The following FHIT variants were observed in gnomAD, a reference collection of about 807,000 sequenced individuals.
The protein encoded by FHIT is fragile histidine triad diadenosine triphosphatase.
Under a neutral mutation model 17.9 loss-of-function variants are expected in FHIT, and 19 were observed. The observed-to-expected ratio is 1.06, with a 90% confidence interval of 0.74 to 1.56. The LOEUF (loss-of-function observed/expected upper bound fraction) is 1.56, where lower values mean the gene tolerates loss of function less well. Among genes scored for constraint, FHIT ranks in the 40% most tolerant of loss-of-function variants. The pLI, the probability that FHIT is intolerant of heterozygous loss-of-function variation, is 0.00. For synonymous variants in FHIT, 81 were observed against 69.7 expected (o/e 1.16, Z -0.81); for missense variants, 248 against 189.2 (o/e 1.31, Z -1.82).
intron 4 of FHIT, among the ~76,000 whole-genome samples, chr3:60,754,695 A>G (rs2042538771): frequency 6.6e-6 from 1 of 152,096 alleles, no homozygotes; most frequent in South Asian, 2.1e-4. Flanking sequence ...CTCAGTGGTA[A>G]TGTCAGCCTT....
At chr3:60,525,044 T>C (rs1013547159) in intron 5 of FHIT, among the ~76,000 whole-genome samples, 7 of 152,150 alleles carry the variant, frequency 4.6e-5, no homozygotes, top group Non-Finnish European at 1.5e-5. Flanking sequence ...GTAGGAACCT[T>C]GTCAATCACT....
At chr3:60,300,174 C>T (rs1483967317) in intron 5 of FHIT, among the ~76,000 whole-genome samples, 1 of 152,202 alleles carries the variant, frequency 6.6e-6, no homozygotes, top group Admixed American at 6.5e-5. Flanking sequence ...ATACAATATT[C>T]AGGATTTTTT....
chr3:59,759,944 C>T (rs935082017), intron 8 of FHIT, among the ~76,000 whole-genome samples: 1 of 150,856 alleles, frequency 6.6e-6, no homozygotes, highest in Non-Finnish European at 1.5e-5. Flanking sequence ...CATTGCTTCC[C>T]TTCTCTATCC....
intron 2 of FHIT, among the ~76,000 whole-genome samples, chr3:61,050,426 A>G (rs960959280): frequency 6.6e-6 from 1 of 152,200 alleles, no homozygotes; most frequent in African/African-American, 2.4e-5. Flanking sequence ...TGACTTGAAC[A>G]AAACCATCAA....
At chr3:60,088,484 G>A (rs764779830) in intron 5 of FHIT, among the ~76,000 whole-genome samples, 1 of 152,134 alleles carries the variant, frequency 6.6e-6, no homozygotes, top group African/African-American at 2.4e-5. Flanking sequence ...TATTCCCTAT[G>A]CCCGAGTATC....
chr3:60,222,540 C>T (rs1704009926), intron 5 of FHIT, among the ~76,000 whole-genome samples: 1 of 152,196 alleles, frequency 6.6e-6, no homozygotes, highest in African/African-American at 2.4e-5. Flanking sequence ...CCTGTAATCC[C>T]AGCACTTTCG....
intron 2 of FHIT, among the ~76,000 whole-genome samples, chr3:61,061,218 TC>T (rs368506917): frequency 0.011 from 1,627 of 152,040 alleles, 33 homozygotes; most frequent in African/African-American, 0.037. Flanking sequence ...TGAAACATTT[TC>T]CCCCCTCCTT....
intron 5 of FHIT, among the ~76,000 whole-genome samples, chr3:60,078,856 G>T (rs1703149713): frequency 6.6e-6 from 1 of 151,510 alleles, no homozygotes; most frequent in African/African-American, 2.4e-5. Context: ...AATATCTGGG[G>T]ATCTGAGGGA....
At chr3:59,805,527 A>G (rs1700162848) in intron 8 of FHIT, among the ~76,000 whole-genome samples, 1 of 152,208 alleles carries the variant, frequency 6.6e-6, no homozygotes, top group Non-Finnish European at 1.5e-5. Context: ...GTCACAGAGA[A>G]GAATCTGAAC....
intron 5 of FHIT, among the ~76,000 whole-genome samples, chr3:60,071,635 G>C (rs922893292): frequency 6.6e-6 from 1 of 152,164 alleles, no homozygotes; most frequent in African/African-American, 2.4e-5. Context: ...CTGCAGCAAA[G>C]TTAGCCAAAA....
intron 2 of FHIT, among the ~76,000 whole-genome samples, chr3:61,071,185 C>T (rs1010371223): frequency 2.6e-5 from 4 of 152,060 alleles, no homozygotes; most frequent in Non-Finnish European, 5.9e-5. Context: ...CTGTGGAATG[C>T]AGGGCCTTGA....
chr3:60,773,773 T>C (rs949811227), intron 4 of FHIT, among the ~76,000 whole-genome samples: 1 of 152,266 alleles, frequency 6.6e-6, no homozygotes, highest in African/African-American at 2.4e-5. Context: ...CCAGACTATA[T>C]AGCTACAGAG....
chr3:60,479,878 T>C (rs1382275394), intron 5 of FHIT, among the ~76,000 whole-genome samples: 2 of 152,182 alleles, frequency 1.3e-5, no homozygotes, highest in African/African-American at 4.8e-5. Flanking sequence ...TGTTGAATAA[T>C]TGTCTTCCAT....
At chr3:60,279,198 G>C (rs1707309537) in intron 5 of FHIT, among the ~76,000 whole-genome samples, 1 of 152,200 alleles carries the variant, frequency 6.6e-6, no homozygotes, top group African/African-American at 2.4e-5. Flanking sequence ...AGAAATGAAA[G>C]AGGGGTCATC....
At chr3:60,116,735 C>T (rs935430912) in intron 5 of FHIT, among the ~76,000 whole-genome samples, 6 of 151,976 alleles carry the variant, frequency 3.9e-5, no homozygotes, top group African/African-American at 1.5e-4. Flanking sequence ...GCAGATTGGC[C>T]AAGAAGGAAG....
intron 5 of FHIT, among the ~76,000 whole-genome samples, chr3:60,425,164 T>G (rs1358371428): frequency 6.6e-6 from 1 of 152,024 alleles, no homozygotes; most frequent in East Asian, 1.9e-4. Context: ...AGCACCCTCC[T>G]ACAGGAGGGG....
At chr3:60,121,159 T>C (rs565558438) in intron 5 of FHIT, among the ~76,000 whole-genome samples, 44 of 152,240 alleles carry the variant, frequency 2.9e-4, no homozygotes, top group African/African-American at 9.6e-4. Flanking sequence ...ACCCCTATAA[T>C]GGTTCACTAG....
intron 5 of FHIT, among the ~76,000 whole-genome samples, chr3:60,389,948 C>A (rs77795550): frequency 2.9e-3 from 447 of 152,194 alleles, no homozygotes; most frequent in African/African-American, 0.01. Context: ...GACGGCTGAC[C>A]ACCCCAATAG....
At chr3:60,655,512 T>A (rs1553689341) in intron 4 of FHIT, among the ~76,000 whole-genome samples, 1 of 152,152 alleles carries the variant, frequency 6.6e-6, no homozygotes, top group African/African-American at 2.4e-5. Context: ...TGTACGGAAA[T>A]GAGACACATC....
Sources: gnomAD v4.1 joint callset for allele counts (sites outside exome capture counted in the v4.1 genomes callset) on GRCh38, gnomAD v4.1.1 for gene constraint, MANE v1.5 for transcripts, NCBI Gene and HGNC (gene_info 2026-07-23, HGNC 2026-07-21) for gene names.